The following HEXB variants were observed in gnomAD, a reference collection of about 807,000 sequenced individuals.
HEXB encodes the protein hexosaminidase subunit beta.
A neutral mutation model predicts 71.2 loss-of-function variants in HEXB; 51 were observed. The observed-to-expected ratio is 0.72, with a 90% confidence interval of 0.57 to 0.90. The LOEUF (loss-of-function observed/expected upper bound fraction) is 0.90. Among genes scored for constraint, HEXB ranks in the 40% least tolerant of loss-of-function variants. The probability of loss-of-function intolerance (pLI) is 0.00; values close to 1 mark genes in which losing one functional copy is unlikely to be tolerated. For synonymous variants in HEXB, 266 were observed against 249.3 expected (o/e 1.07, Z -0.63); for missense variants, 617 against 677.0 (o/e 0.91, Z 0.98).
chr5:74,719,072 C>A (rs988382889), intron 11 of HEXB, 101 bp downstream of exon 11: 33 of 1,083,508 alleles, frequency 3.0e-5, no homozygotes, highest in Middle Eastern at 2.0e-4. Flanking sequence ...CTTCCCTAAC[C>A]TCCCACCCCA....
chr5:74,658,785 C>T (rs929088962), intron 1 of HEXB, among the ~76,000 whole-genome samples: 1 of 152,102 alleles, frequency 6.6e-6, no homozygotes, highest in Non-Finnish European at 1.5e-5. Flanking sequence ...AATCTGTATC[C>T]TTTTCCTGCG....
intron 2 of HEXB, among the ~76,000 whole-genome samples, chr5:74,691,657 A>T (rs906786930): frequency 2.6e-5 from 4 of 152,204 alleles, no homozygotes; most frequent in African/African-American, 4.8e-5. Flanking sequence ...CCTTCCGTGT[A>T]CATCTATGTC....
At chr5:74,688,011 C>A (rs1359918763) in intron 1 of HEXB, among the ~76,000 whole-genome samples, 1 of 151,988 alleles carries the variant, frequency 6.6e-6, no homozygotes, top group Non-Finnish European at 1.5e-5. Flanking sequence ...TTATTTAGTG[C>A]CTTTACATTT....
chr5:74,668,085 T>C lies in HEXB; in HGVS notation c.-376-21243T>C, dbSNP rs533047137. ...CTTCAATATCCAGCCATAAAATGCCTTAATTGTGATCCATTTGGAGACTGG... is the reference window on the plus strand; with the variant it reads ...CTTCAATATCCAGCCATAAAATGCCCTAATTGTGATCCATTTGGAGACTGG... On this transcript the variant is annotated intron_variant, in intron 1 of 13. Coordinates refer to the HEXB transcript ENST00000511181. 1.7e-3 allele frequency among the ~76,000 whole-genome samples: 254 copies of C among 152,306 alleles called. 3 individuals are homozygous for C. Among genetic ancestry groups the C allele is most frequent in the African/African-American group, 5.9e-3 (247 of 41,556 alleles).
chr5:74,695,210 T>C (rs1183824876), intron 3 of HEXB, among the ~76,000 whole-genome samples: 1 of 146,744 alleles, frequency 6.8e-6, no homozygotes, highest in Non-Finnish European at 1.5e-5. Context: ...GCTTTTTTTT[T>C]TTTTTTTTTT....
At position 74,652,778 on chromosome 5, in the gene HEXB, C is replaced by G. The variant is rs911575958; in HGVS notation, c.-377+12220C>G. 2.6e-5 allele frequency among the ~76,000 whole-genome samples: 4 copies of G among 152,120 alleles called. No individual in the cohort carries two copies. Among genetic ancestry groups the G allele is most frequent in the Non-Finnish European group, 5.9e-5 (4 of 68,034 alleles). On this transcript the variant is annotated intron_variant, in intron 1 of 13. Coordinates refer to the HEXB transcript ENST00000511181. This position sits in a 1 kb window ranked among gnomAD's most constrained non-coding sequence, Gnocchi z 5.4. The stretch of plus-strand genomic sequence containing the variant: ...GCACCAGCTCCGAGATAACCATCAC[C>G]CTCTCTGAGCTCCAATAAGGTGGCT...
intron 1 of HEXB, among the ~76,000 whole-genome samples, chr5:74,646,019 T>G (rs1747996064): frequency 6.6e-6 from 1 of 152,044 alleles, no homozygotes; most frequent in Non-Finnish European, 1.5e-5. Flanking sequence ...ATCCCTACTT[T>G]TATATTTAGT....
chr5:74,675,485 A>G (rs1298748762), intron 1 of HEXB, among the ~76,000 whole-genome samples: 2 of 152,160 alleles, frequency 1.3e-5, no homozygotes, highest in Non-Finnish European at 2.9e-5. Flanking sequence ...AAGAGGCTCC[A>G]CTAGTTCTCT....
chr5:74,706,868 G>A (rs1191687514), intron 6 of HEXB, among the ~76,000 whole-genome samples: 3 of 152,200 alleles, frequency 2.0e-5, no homozygotes, highest in African/African-American at 7.2e-5. Flanking sequence ...TCTGGGGGCA[G>A]GGCACAGACA....
intron 7 of HEXB, among the ~76,000 whole-genome samples, chr5:74,713,907 T>A (rs1175656550): frequency 6.6e-6 from 1 of 151,588 alleles, no homozygotes; most frequent in Non-Finnish European, 1.5e-5. Context: ...GTGGCATGAT[T>A]TTGGCTCACT....
chr5:74,699,543 G>A (rs1189015706), intron 5 of HEXB, among the ~76,000 whole-genome samples: 2 of 152,166 alleles, frequency 1.3e-5, no homozygotes, highest in East Asian at 3.9e-4. Context: ...CCAAAATGAT[G>A]GGATTACAGA....
rs373382164 is a variant in HEXB, at chr5:74,701,677, A to C, written c.670-3542A>C. Reference sequence around the variant, plus strand: ...TAGGGAAAAGTTGTAAATAGTGTGCAAAGAACTCCTATATACTCTTTACCC... The same window carrying C: ...TAGGGAAAAGTTGTAAATAGTGTGCCAAGAACTCCTATATACTCTTTACCC... On this transcript the variant is annotated intron_variant, in intron 5 of 13. Coordinates refer to ENST00000261416, the MANE Select transcript of HEXB (RefSeq NM_000521.4). Among the ~76,000 whole-genome samples the C allele has an allele frequency of 3.9e-5, 6 of 152,202 alleles. No homozygotes were observed. In the East Asian group the frequency reaches 9.7e-4, roughly 24 times the overall value.
chr5:74,680,694 A>C (rs1430624459), upstream of HEXB, among the ~76,000 whole-genome samples: 1 of 152,236 alleles, frequency 6.6e-6, no homozygotes, highest in Non-Finnish European at 1.5e-5. Context: ...CAAGGGAAAA[A>C]TAACAGCAGG....
At position 74,718,325 on chromosome 5, in the gene HEXB, T is replaced by C. The variant is rs766192402; in HGVS notation, c.1204T>C (p.Ser402Pro). The C allele has an allele frequency of 6.2e-7, 1 of 1,612,384 alleles. No individual in the cohort carries two copies. The highest frequency in any genetic ancestry group is 1.1e-5 in the South Asian group (1 of 91,060). Residue 402 changes from serine to proline, a missense_variant, in exon 10 of 14, where the codon TCC becomes CCC. Transcript: ENST00000261416. ...LDIIATINKG[S>P]IVWQEVFDDK... ...TATTATTGCAACCATAAACAAGGGATCCATTGTCTGGCAGGAGGTTTTTGA... is the reference window on the plus strand; with the variant it reads ...TATTATTGCAACCATAAACAAGGGACCCATTGTCTGGCAGGAGGTTTTTGA...
Position 74,720,761 on chromosome 5 carries a change from T to TAAGTC in HEXB, c.1613+15_1613+19dup. ...CAGGATGGTCGAGTAAGAAATCTAT[T>TAAGTC]AAGTCCAGTGTGATTTTTAACCTTC... On this transcript the variant is annotated intron_variant, in intron 13 of 13. Coordinates refer to ENST00000261416, the MANE Select transcript of HEXB (RefSeq NM_000521.4). 6.3e-7 allele frequency: 1 copy of TAAGTC among 1,587,332 alleles called. No individual in the cohort carries two copies. The highest frequency in any genetic ancestry group is 8.7e-7 in the Non-Finnish European group (1 of 1,155,732).
chr5:74,711,794 G>A (rs1749548751), intron 6 of HEXB, among the ~76,000 whole-genome samples: 1 of 152,034 alleles, frequency 6.6e-6, no homozygotes, highest in Non-Finnish European at 1.5e-5. Context: ...ACAGGTGCTG[G>A]AGAGGATGTG....
intron 1 of HEXB, among the ~76,000 whole-genome samples, chr5:74,655,456 G>A (rs1007794090): frequency 6.6e-6 from 1 of 151,484 alleles, no homozygotes; most frequent in Non-Finnish European, 1.5e-5. Context: ...GAGATTACAG[G>A]CCTGCACCAC....
intron 11 of HEXB, 127 bp downstream of exon 11, chr5:74,719,098 A>C: frequency 1.2e-6 from 1 of 814,154 alleles, no homozygotes; most frequent in East Asian, 2.6e-5. Flanking sequence ...CTTTACCTAG[A>C]TATTACCTAC....
intron 2 of HEXB, among the ~76,000 whole-genome samples, chr5:74,691,738 G>A (rs1173867382): frequency 2.0e-5 from 3 of 152,174 alleles, no homozygotes; most frequent in Admixed American, 2.0e-4. Flanking sequence ...TATCTCAAAG[G>A]AGATTTTAGC....
Sources: allele counts gnomAD v4.1 joint callset (sites outside exome capture counted in the v4.1 genomes callset), GRCh38; gene constraint gnomAD v4.1.1; non-coding constraint Gnocchi (gnomAD v3.1); transcripts MANE v1.5; gene names NCBI Gene and HGNC (gene_info 2026-07-23, HGNC 2026-07-21).